FOCAD: variants seen among roughly 807,000 people sequenced by gnomAD.
FOCAD encodes the protein focadhesin.
In FOCAD, 198 loss-of-function variants were observed where a neutral mutation model predicts 225.6. The ratio of observed to expected loss-of-function variants is 0.88; its 90% CI spans 0.78 to 0.99. The LOEUF (loss-of-function observed/expected upper bound fraction) is 0.99. Ranked by LOEUF, FOCAD falls within the 50% of genes least tolerant of loss-of-function variation. FOCAD has a pLI of 0.00. For synonymous variants in FOCAD, 897 were observed against 755.0 expected, an observed-to-expected ratio of 1.19 and a Z score of -3.08; for missense variants, 2,713 against 2,123.6, an observed-to-expected ratio of 1.28 and a Z score of -5.46.
chr9:20,954,460 A>G (rs1467131661), intron 35 of FOCAD, among the ~76,000 whole-genome samples: 1 of 152,184 alleles, frequency 6.6e-6, no homozygotes, highest in East Asian at 1.9e-4. Context: ...TCTTAAGGTC[A>G]AGTAGAAGAT....
At chr9:20,802,263 C>T (rs2131294302) in intron 11 of FOCAD, among the ~76,000 whole-genome samples, 1 of 152,038 alleles carries the variant, frequency 6.6e-6, no homozygotes. Context: ...TGTGTTTTTC[C>T]TTTTGTCTCT....
intron 28 of FOCAD, among the ~76,000 whole-genome samples, chr9:20,943,790 T>C (rs1443374074): frequency 6.6e-6 from 1 of 152,204 alleles, no homozygotes; most frequent in East Asian, 1.9e-4. Context: ...AACATTGCAT[T>C]TTCTCCATTT....
chr9:20,701,207 G>T lies in FOCAD; in HGVS notation c.-32-14115G>T, dbSNP rs534473971. 4.4e-4 allele frequency among the ~76,000 whole-genome samples: 67 copies of T among 152,318 alleles called. No homozygotes were observed. In the South Asian group the frequency reaches 0.011, roughly 24 times the overall value. On this transcript the variant is annotated intron_variant, in intron 1 of 43. Transcript: ENST00000338382. ...TTTAGTTCAAGCCCTGTTTTCTGAG[G>T]CAGCTGCAGGAACTGAGAAAGAACA...
intron 42 of FOCAD, 115 bp downstream of exon 42, chr9:20,990,489 C>A: frequency 7.8e-7 from 1 of 1,279,186 alleles, no homozygotes; most frequent in Non-Finnish European, 1.1e-6. Flanking sequence ...ACAGACTTTC[C>A]TACCCAGCCC....
At chr9:20,767,093 C>A (rs558559013) in intron 7 of FOCAD, among the ~76,000 whole-genome samples, 1 of 150,180 alleles carries the variant, frequency 6.7e-6, no homozygotes, top group African/African-American at 2.5e-5. Flanking sequence ...TTTGTTCTTG[C>A]GATAGTTTAC....
chr9:20,859,812 A>C (rs139092482), intron 15 of FOCAD, among the ~76,000 whole-genome samples: 1 of 151,092 alleles, frequency 6.6e-6, no homozygotes, highest in African/African-American at 2.4e-5. Context: ...GACACCAAAG[A>C]GCACATGTTA....
intron 41 of FOCAD, among the ~76,000 whole-genome samples, chr9:20,989,059 C>T (rs1279306726): frequency 6.6e-6 from 1 of 152,182 alleles, no homozygotes; most frequent in South Asian, 2.1e-4. Context: ...ACAGCTCTTT[C>T]CTGCTTTCCT....
chr9:20,833,696 A>T (rs1179834456), intron 15 of FOCAD, among the ~76,000 whole-genome samples: 2 of 152,078 alleles, frequency 1.3e-5, no homozygotes, highest in East Asian at 3.9e-4. Flanking sequence ...ATGTGATCTC[A>T]ATTTGTCTCT....
intron 15 of FOCAD, among the ~76,000 whole-genome samples, chr9:20,846,200 G>T (rs1827092123): frequency 6.6e-6 from 1 of 152,068 alleles, no homozygotes; most frequent in African/African-American, 2.4e-5. Context: ...TTAGGTTTCT[G>T]AGGGCTGAAA....
intron 1 of FOCAD, among the ~76,000 whole-genome samples, chr9:20,714,251 G>C (rs1375816795): frequency 6.6e-6 from 1 of 152,112 alleles, no homozygotes; most frequent in Non-Finnish European, 1.5e-5. Context: ...TCACGTCAGT[G>C]CTCAAAAAGT....
chr9:20,903,126 C>T (rs1003977825), intron 21 of FOCAD, among the ~76,000 whole-genome samples: 39 of 151,884 alleles, frequency 2.6e-4, no homozygotes, highest in African/African-American at 9.2e-4. Flanking sequence ...TCCCCATGCT[C>T]CTTTCTAGTC....
chr9:20,674,037 C>G (rs1323105864), intron 2 of FOCAD, among the ~76,000 whole-genome samples: 1 of 152,196 alleles, frequency 6.6e-6, no homozygotes, highest in East Asian at 1.9e-4. Context: ...AGAAGCGAGG[C>G]ACTGGGTCTA....
At chr9:20,888,139 CTT>C (rs1377523100) in intron 21 of FOCAD, among the ~76,000 whole-genome samples, 8 of 45,606 alleles carry the variant, frequency 1.8e-4, no homozygotes, top group African/African-American at 4.5e-4. Flanking sequence ...TTTTTTTCTT[CTT>C]TTTTTTTTTT....
Position 20,770,190 on chromosome 9 carries a change from T to G in FOCAD, c.858T>G (p.Cys286Trp). ...SEVSLKITGE[C>W]SSSIHLLEHS... Reference sequence around the variant, plus strand: ...TCAGCTTAAAGATAACTGGTGAATGTTCATCTTCAATTCACCTTTTAGAGC... The same window carrying G: ...TCAGCTTAAAGATAACTGGTGAATGGTCATCTTCAATTCACCTTTTAGAGC... Residue 286 changes from cysteine (C) to tryptophan (W), a missense_variant, in exon 8 of 44, where the codon TGT (cysteine) becomes TGG (tryptophan). Physicochemically the swap from Cys to Trp is radical, Grantham distance 215. Coordinates refer to ENST00000338382, the MANE Select transcript of FOCAD (RefSeq NM_001375567.1). 1 of 1,614,058 alleles carries G rather than the reference T, an allele frequency of 6.2e-7. No homozygotes were observed.
At position 20,781,918 on chromosome 9, in the gene FOCAD, G is replaced by A; in HGVS notation, c.1186G>A (p.Asp396Asn). 1 of 1,613,636 alleles carries A rather than the reference G, an allele frequency of 6.2e-7. No homozygotes were observed. The highest frequency in any genetic ancestry group is 8.5e-7 in the Non-Finnish European group (1 of 1,179,744). Reference protein sequence around the residue: ...EMIQQECYRDDHQKLSYKLVC... With the variant: ...EMIQQECYRDNHQKLSYKLVC... Reference sequence around the variant, plus strand: ...GATACAGCAGGAATGTTACAGAGATGACCACCAAAAGGTAATGAATCTATC... The same window carrying A: ...GATACAGCAGGAATGTTACAGAGATAACCACCAAAAGGTAATGAATCTATC... The change falls in exon 10 of 44, where the codon GAC (aspartate) becomes AAC (asparagine). Residue 396 changes from aspartate (D) to asparagine (N), a missense_variant. Physicochemically the swap from Asp to Asn is conservative, Grantham distance 23 (BLOSUM62 1). Transcript: ENST00000338382.
At position 20,720,516 on chromosome 9, in the gene FOCAD, A is replaced by C. The variant is rs757992816; in HGVS notation, c.269A>C (p.Asn90Thr). ...EFSYVLNGILNLIPSTRNTHG... is the reference protein window; with the variant it reads ...EFSYVLNGILTLIPSTRNTHG... ...AGCTATGTTCTCAATGGGATACTCAACTTGATTCCATCAACCAGGTACTTT... is the reference window on the plus strand; with the variant it reads ...AGCTATGTTCTCAATGGGATACTCACCTTGATTCCATCAACCAGGTACTTT... Residue 90 changes from asparagine to threonine, a missense_variant, in exon 4 of 44, where the codon AAC becomes ACC. Transcript: ENST00000338382. 20 of 1,613,812 alleles carry C rather than the reference A, an allele frequency of 1.2e-5. No individual in the cohort carries two copies. In the African/African-American group the frequency reaches 2.7e-4, roughly 22 times the overall value.
intron 15 of FOCAD, among the ~76,000 whole-genome samples, chr9:20,829,496 C>G (rs1020765640): frequency 3.3e-5 from 5 of 151,966 alleles, no homozygotes; most frequent in Non-Finnish European, 5.9e-5. Flanking sequence ...TCCCCGATGA[C>G]TAATATTGAG....
chr9:20,945,023 A>G (rs1384352315), intron 29 of FOCAD, among the ~76,000 whole-genome samples: 1 of 152,220 alleles, frequency 6.6e-6, no homozygotes, highest in African/African-American at 2.4e-5. Context: ...ACTCAGCATC[A>G]CTAGAAGGCA....
intron 1 of FOCAD, among the ~76,000 whole-genome samples, chr9:20,687,419 TA>T (rs1822732847): frequency 6.6e-6 from 1 of 152,202 alleles, no homozygotes; most frequent in African/African-American, 2.4e-5. Flanking sequence ...ACTGTAGTTT[TA>T]TGAAGTTTTT....
Sources: allele counts gnomAD v4.1 joint callset (sites outside exome capture counted in the v4.1 genomes callset), GRCh38; gene constraint gnomAD v4.1.1; transcripts MANE v1.5; gene names NCBI Gene and HGNC (gene_info 2026-07-23, HGNC 2026-07-21).